Variants in THADA observed in about 807,000 individuals in gnomAD.
The protein encoded by THADA is THADA armadillo repeat containing, also known as tRNA (32-2'-O)-methyltransferase regulator THADA.
Under a neutral mutation model 219.8 loss-of-function variants are expected in THADA, and 213 were observed. The ratio of observed to expected loss-of-function variants is 0.97; its 90% CI spans 0.87 to 1.09. The LOEUF is 1.09. Ranked by LOEUF, THADA falls within the 50% of genes least tolerant of loss-of-function variation. The pLI is 0.00. For missense variants in THADA, 2,956 were observed against 2,311.3 expected (o/e 1.28, Z -5.72); for synonymous variants, 1,018 against 828.9 (o/e 1.23, Z -3.92).
intron 26 of THADA, among the ~76,000 whole-genome samples, chr2:43,453,331 A>T (rs1682594363): frequency 1.3e-5 from 2 of 152,238 alleles, no homozygotes; most frequent in Non-Finnish European, 2.9e-5. Context: ...AACTGCCTGG[A>T]AGTACTCAAA....
chr2:43,255,942 C>A (rs1054643613), intron 36 of THADA, among the ~76,000 whole-genome samples: 12 of 152,224 alleles, frequency 7.9e-5, no homozygotes, highest in Non-Finnish European at 1.8e-4. Context: ...GCCTCCTTTA[C>A]AGGGTCAAGA....
At chr2:43,421,024 T>C (rs888521258) in intron 28 of THADA, among the ~76,000 whole-genome samples, 3 of 152,194 alleles carry the variant, frequency 2.0e-5, no homozygotes, top group African/African-American at 7.2e-5. Context: ...CCTCCCTATA[T>C]AAGGCCTAAA....
At chr2:43,415,716 G>A (rs934033353) in intron 28 of THADA, among the ~76,000 whole-genome samples, 5 of 152,058 alleles carry the variant, frequency 3.3e-5, no homozygotes, top group African/African-American at 9.7e-5. Flanking sequence ...TGGAGCCCCC[G>A]AGGTTCATAT....
rs193238425 is a variant in THADA, at chr2:43,308,262, G to C, written c.4438+12184C>G. 6.9e-3 allele frequency among the ~76,000 whole-genome samples: 1,054 copies of C among 152,224 alleles called. 6 individuals carry two copies. Among genetic ancestry groups the C allele is most frequent in the South Asian group, 0.025 (121 of 4,826 alleles). On this transcript the variant is annotated intron_variant, in intron 31 of 37. Transcript: ENST00000405975. ...AGTTTGTGAATTTAGAGTCACAAAAGTTGAAGCTATCAAAAGTAAAACAGA... is the reference window on the plus strand; with the variant it reads ...AGTTTGTGAATTTAGAGTCACAAAACTTGAAGCTATCAAAAGTAAAACAGA...
chr2:43,256,042 G>A (rs1269950739), intron 36 of THADA, among the ~76,000 whole-genome samples: 1 of 152,292 alleles, frequency 6.6e-6, no homozygotes. Flanking sequence ...ATGTCAAGGG[G>A]CACATAACTA....
chr2:43,483,799 A>T (rs912412875), intron 26 of THADA, among the ~76,000 whole-genome samples: 5 of 151,594 alleles, frequency 3.3e-5, no homozygotes, highest in Admixed American at 6.6e-5. Context: ...CTTCATAAAA[A>T]ACAAAAAAAA....
intron 29 of THADA, among the ~76,000 whole-genome samples, chr2:43,363,918 C>G (rs1364065250): frequency 6.6e-6 from 1 of 152,048 alleles, no homozygotes; most frequent in Non-Finnish European, 1.5e-5. Context: ...AAGATCTTCT[C>G]TCTATAAAAA....
chr2:43,427,657 T>TA (rs999597052), intron 28 of THADA, among the ~76,000 whole-genome samples: 2 of 148,762 alleles, frequency 1.3e-5, no homozygotes, highest in African/African-American at 2.4e-5. Flanking sequence ...TTTACATATA[T>TA]AAAAAAATAT....
At chr2:43,532,870 C>G (rs577761613) in intron 21 of THADA, among the ~76,000 whole-genome samples, 1 of 152,128 alleles carries the variant, frequency 6.6e-6, no homozygotes, top group African/African-American at 2.4e-5. Context: ...AAAGCAACTG[C>G]GACAAAAGCC....
rs774133614 is a variant in THADA at position 43,590,904 on chromosome 2, A to G, written c.222T>C (p.Thr74=). 8 of 1,613,792 alleles carry G rather than the reference A, an allele frequency of 5.0e-6. No individual in the cohort carries two copies. The highest frequency in any genetic ancestry group is 2.2e-5 in the East Asian group (1 of 44,866). Reference sequence around the variant, plus strand: ...CTAAGATATCCAAACAACTTTGAATAGTGGGATCACACATGCCATTTTTAT... The same window carrying G: ...CTAAGATATCCAAACAACTTTGAATGGTGGGATCACACATGCCATTTTTAT... The part of the protein sequence containing the change: ...KADKNGMCDP[T]IQSCLDILAG... The change falls in exon 4 of 38, where the codon ACT becomes ACC. Residue 74 remains threonine, a synonymous_variant. Coordinates refer to ENST00000405975, the MANE Select transcript of THADA (RefSeq NM_022065.5).
intron 22 of THADA, among the ~76,000 whole-genome samples, chr2:43,509,658 T>C (rs536638470): frequency 1.3e-5 from 2 of 152,294 alleles, no homozygotes; most frequent in Admixed American, 6.5e-5. Flanking sequence ...TTTTTCTTTA[T>C]TCTAGTTTGG....
intron 8 of THADA, among the ~76,000 whole-genome samples, chr2:43,581,065 G>A (rs1280623520): frequency 6.6e-6 from 1 of 152,034 alleles, no homozygotes; most frequent in African/African-American, 2.4e-5. Context: ...AAGAGAGAAA[G>A]GATAATTCAA....
intron 8 of THADA, among the ~76,000 whole-genome samples, chr2:43,580,178 C>T (rs181377501): frequency 6.8e-6 from 1 of 147,846 alleles, no homozygotes; most frequent in Admixed American, 6.7e-5. Context: ...GTGCACGCCA[C>T]CACGCCCAGC....
chr2:43,434,330 G>A (rs1349224128), intron 26 of THADA, among the ~76,000 whole-genome samples: 1 of 152,206 alleles, frequency 6.6e-6, no homozygotes, highest in Non-Finnish European at 1.5e-5. Context: ...GGAAGTGCTG[G>A]GAGGAGAAGG....
At chr2:43,319,606 G>T (rs982430081) in intron 31 of THADA, among the ~76,000 whole-genome samples, 1 of 152,202 alleles carries the variant, frequency 6.6e-6, no homozygotes, top group African/African-American at 2.4e-5. Flanking sequence ...CAGCCTGAAT[G>T]TATTTACCGA....
chr2:43,590,989 A>G, intron 3 of THADA, 35 bp from the exon 4 acceptor site: 1 of 1,586,374 alleles, frequency 6.3e-7, no homozygotes, highest in African/African-American at 1.4e-5. Context: ...TTTTTATAAT[A>G]TCAAATATAG....
intron 26 of THADA, among the ~76,000 whole-genome samples, chr2:43,472,709 G>A (rs1433133040): frequency 6.6e-6 from 1 of 152,174 alleles, no homozygotes; most frequent in Non-Finnish European, 1.5e-5. Flanking sequence ...TTGCATTGTA[G>A]TGTAAACATC....
At chr2:43,419,453 G>C (rs922013535) in intron 28 of THADA, among the ~76,000 whole-genome samples, 10 of 152,100 alleles carry the variant, frequency 6.6e-5, no homozygotes, top group African/African-American at 1.9e-4. Context: ...AAGGCCCAGA[G>C]GGAAAGGGAA....
intron 22 of THADA, among the ~76,000 whole-genome samples, chr2:43,512,745 G>A (rs887800862): frequency 1.3e-5 from 2 of 152,134 alleles, no homozygotes; most frequent in African/African-American, 2.4e-5. Context: ...CAGGTGATCC[G>A]CCTGCCTCGG....
Sources: allele counts gnomAD v4.1 joint callset (sites outside exome capture counted in the v4.1 genomes callset), GRCh38; gene constraint gnomAD v4.1.1; transcripts MANE v1.5; gene names NCBI Gene and HGNC (gene_info 2026-07-23, HGNC 2026-07-21).